The following EPHA5 variants were observed in gnomAD, a reference collection of about 807,000 sequenced individuals.
EPHA5 encodes the protein ephrin type-A receptor 5.
Under a neutral mutation model 105.0 loss-of-function variants are expected in EPHA5, and 60 were observed. That is an observed-to-expected ratio of 0.57 (90% CI 0.46 to 0.71). The LOEUF (loss-of-function observed/expected upper bound fraction) is 0.71, where lower values mean the gene tolerates loss of function less well. EPHA5 is among the 30% of genes least tolerant of loss of function. The pLI, the probability that EPHA5 is intolerant of heterozygous loss-of-function variation, is 0.00. For missense variants in EPHA5, 1,218 were observed against 1,274.7 expected (o/e 0.96, Z 0.68); for synonymous variants, 513 against 449.1 (o/e 1.14, Z -1.80).
chr4:65,475,782 G>GAAT (rs1463137925), intron 5 of EPHA5, among the ~76,000 whole-genome samples: 1 of 152,112 alleles, frequency 6.6e-6, no homozygotes, highest in African/African-American at 2.4e-5. Flanking sequence ...CGTTTACATT[G>GAAT]AATAGCAAAT....
chr4:65,568,629 T>C (rs1039914860), intron 3 of EPHA5, among the ~76,000 whole-genome samples: 1 of 151,124 alleles, frequency 6.6e-6, no homozygotes, highest in Admixed American at 6.6e-5. Context: ...GTGAAATTAC[T>C]ATCATCCCAT....
At chr4:65,439,599 T>G (rs929621896) in intron 5 of EPHA5, among the ~76,000 whole-genome samples, 2 of 152,098 alleles carry the variant, frequency 1.3e-5, no homozygotes, top group Admixed American at 1.3e-4. Flanking sequence ...AGCATTTGAG[T>G]TAAGAAGAAA....
chr4:65,609,051 T>C (rs1744509443), intron 2 of EPHA5, among the ~76,000 whole-genome samples: 1 of 152,160 alleles, frequency 6.6e-6, no homozygotes, highest in South Asian at 2.1e-4. Context: ...TTCACTTTCC[T>C]TATTTTGGAT....
chr4:65,497,610 G>T (rs1011318452), intron 3 of EPHA5, among the ~76,000 whole-genome samples: 4 of 151,790 alleles, frequency 2.6e-5, no homozygotes, highest in African/African-American at 7.2e-5. Flanking sequence ...AACACTATTT[G>T]CTTTCAAAGA....
chr4:65,371,249 G>T (rs1198961302), intron 8 of EPHA5, among the ~76,000 whole-genome samples: 1 of 151,994 alleles, frequency 6.6e-6, no homozygotes, highest in Non-Finnish European at 1.5e-5. Flanking sequence ...GGAAAACAAT[G>T]TGCTTTTGCT....
chr4:65,551,982 ACACTGTAAATGATGCT>A (rs1737965060), intron 3 of EPHA5, among the ~76,000 whole-genome samples: 1 of 152,188 alleles, frequency 6.6e-6, no homozygotes, highest in East Asian at 1.9e-4. Context: ...AAAATACAAA[ACACTGTAAATGATGCT>A]CACCTTAAAC....
intron 1 of EPHA5, among the ~76,000 whole-genome samples, chr4:65,669,260 A>T (rs1473712996): frequency 2.6e-5 from 4 of 151,120 alleles, no homozygotes; most frequent in Admixed American, 6.6e-5. Flanking sequence ...ACGGGCCTCC[A>T]TTCCCCAAAG....
At chr4:65,635,865 G>A (rs1314933399) in intron 2 of EPHA5, among the ~76,000 whole-genome samples, 1 of 152,150 alleles carries the variant, frequency 6.6e-6, no homozygotes, top group Non-Finnish European at 1.5e-5. Context: ...ATATAGGCTA[G>A]TGAAGCTATG....
chr4:65,326,036 A>C (rs116160570), intron 16 of EPHA5, among the ~76,000 whole-genome samples: 5 of 147,394 alleles, frequency 3.4e-5, no homozygotes, highest in South Asian at 2.1e-4. Context: ...TATCTCATAT[A>C]TATATGTATA....
chr4:65,414,236 T>A (rs1350130072), intron 7 of EPHA5, 48 bp downstream of exon 7: 2 of 1,574,132 alleles, frequency 1.3e-6, no homozygotes, highest in Non-Finnish European at 1.7e-6. Context: ...GACTCTTTTC[T>A]GGTAACCATT....
At chr4:65,519,237 A>G (rs186179944) in intron 3 of EPHA5, among the ~76,000 whole-genome samples, 15 of 152,266 alleles carry the variant, frequency 9.9e-5, no homozygotes, top group African/African-American at 3.6e-4. Flanking sequence ...GCAAATCAAT[A>G]ACTGTAAACC....
chr4:65,490,364 G>A lies in EPHA5; in HGVS notation c.1402+13C>T, dbSNP rs2149211827. On this transcript the variant is annotated intron_variant, in intron 5 of 16. Transcript: ENST00000613740. ...GGCCTCACATACACAATTGGGTTGGGCATGGCACTTACCTGCTTGATTTGT... is the reference window on the plus strand; with the variant it reads ...GGCCTCACATACACAATTGGGTTGGACATGGCACTTACCTGCTTGATTTGT... The A allele has an allele frequency of 6.2e-7, 1 of 1,609,390 alleles. No homozygotes were observed. The highest frequency in any genetic ancestry group is 8.5e-7 in the Non-Finnish European group (1 of 1,176,472).
chr4:65,634,259 A>G (rs1426963584), intron 2 of EPHA5, among the ~76,000 whole-genome samples: 1 of 152,126 alleles, frequency 6.6e-6, no homozygotes, highest in Non-Finnish European at 1.5e-5. Flanking sequence ...TATTGATTTT[A>G]CATATATAAC....
At chr4:65,605,820 T>A (rs542323555) in intron 2 of EPHA5, among the ~76,000 whole-genome samples, 1 of 152,056 alleles carries the variant, frequency 6.6e-6, no homozygotes, top group African/African-American at 2.4e-5. Flanking sequence ...TAAGCTGAGA[T>A]CCAATCTCTG....
chr4:65,401,631 A>G (rs1721834797), intron 8 of EPHA5, among the ~76,000 whole-genome samples: 1 of 152,160 alleles, frequency 6.6e-6, no homozygotes. Context: ...AGCATCTTAA[A>G]CTATGTTGTG....
At chr4:65,617,000 A>T (rs1745300189) in intron 2 of EPHA5, among the ~76,000 whole-genome samples, 1 of 152,072 alleles carries the variant, frequency 6.6e-6, no homozygotes, top group Admixed American at 6.6e-5. Context: ...CGATACAGTA[A>T]ATTATACTAT....
intron 3 of EPHA5, among the ~76,000 whole-genome samples, chr4:65,519,010 C>A (rs545645440): frequency 7.2e-5 from 11 of 151,750 alleles, no homozygotes; most frequent in South Asian, 6.2e-4. Flanking sequence ...GAGACACAAC[C>A]AAAAAAGAGA....
chr4:65,416,498 AC>A (rs1427800552), intron 6 of EPHA5, among the ~76,000 whole-genome samples: 5 of 98,776 alleles, frequency 5.1e-5, no homozygotes, highest in African/African-American at 1.7e-4. Context: ...AAAGTAAAAA[AC>A]GAAACAATTT....
chr4:65,458,006 G>A (rs962700703), intron 5 of EPHA5, among the ~76,000 whole-genome samples: 16 of 148,160 alleles, frequency 1.1e-4, no homozygotes, highest in Admixed American at 3.4e-4. Context: ...CCCGAGAGGC[G>A]GAACTTGCAG....
Sources: gnomAD v4.1 joint callset for allele counts (sites outside exome capture counted in the v4.1 genomes callset) on GRCh38, gnomAD v4.1.1 for gene constraint, MANE v1.5 for transcripts, NCBI Gene and HGNC (gene_info 2026-07-23, HGNC 2026-07-21) for gene names.